Variants in SGCD observed in about 807,000 individuals in gnomAD.
SGCD encodes the protein delta-sarcoglycan.
Under a neutral mutation model 36.6 loss-of-function variants are expected in SGCD, and 18 were observed. The ratio of observed to expected loss-of-function variants is 0.49; its 90% CI spans 0.34 to 0.73. The LOEUF (loss-of-function observed/expected upper bound fraction) is 0.73, where lower values mean the gene tolerates loss of function less well. Ranked by LOEUF, SGCD falls within the 30% of genes least tolerant of loss-of-function variation. The probability of loss-of-function intolerance (pLI) is 0.01; values close to 1 mark genes in which losing one functional copy is unlikely to be tolerated. For missense variants in SGCD, 387 were observed against 346.7 expected (o/e 1.12, Z -0.92); for synonymous variants, 133 against 130.6 (o/e 1.02, Z -0.12).
At chr5:156,657,241 T>C (rs1193080052) in intron 7 of SGCD, among the ~76,000 whole-genome samples, 3 of 151,878 alleles carry the variant, frequency 2.0e-5, no homozygotes, top group Non-Finnish European at 2.9e-5. Flanking sequence ...CCTCTCTCTT[T>C]TATTTTATTT....
rs558065883 is a variant in SGCD at position 156,079,038 on chromosome 5, G to T, written c.-281-38840G>T. ...ATTTGTAAAAAAAAAAAAAAAAAAA[G>T]AAAAGTTTAATTGGCTCACAGTTCT... On this transcript the variant is annotated intron_variant, in intron 1 of 9. Coordinates refer to the SGCD transcript ENST00000517913. 2.3e-5 allele frequency among the ~76,000 whole-genome samples: 3 copies of T among 130,708 alleles called. No individual in the cohort carries two copies. In the East Asian group the frequency reaches 7.2e-4, roughly 32 times the overall value. The allele number at this position is 130,708 out of a possible 152,430, so 85.7% of individuals were successfully genotyped here. A position where few individuals can be genotyped will look rare whatever the true frequency, so the allele number is the denominator to read the frequency against.
intron 4 of SGCD, among the ~76,000 whole-genome samples, chr5:156,576,610 C>A (rs1319927999): frequency 6.6e-6 from 1 of 152,116 alleles, no homozygotes; most frequent in African/African-American, 2.4e-5. Context: ...TTATAATGAT[C>A]GCCATTCTAA....
At chr5:155,788,318 C>T in the SGCD span, among the ~76,000 whole-genome samples, 2 of 152,050 alleles carry the variant, frequency 1.3e-5, no homozygotes, top group Non-Finnish European at 1.5e-5. Flanking sequence ...GGATTTTAAA[C>T]GTTAAAAATG....
At chr5:156,449,535 G>C (rs1446943727) in intron 3 of SGCD, among the ~76,000 whole-genome samples, 2 of 151,608 alleles carry the variant, frequency 1.3e-5, no homozygotes, top group African/African-American at 2.4e-5. Flanking sequence ...ACAAGATTAA[G>C]AGAATAAAAA....
intron 3 of SGCD, among the ~76,000 whole-genome samples, chr5:156,441,673 T>C (rs1362199337): frequency 6.6e-6 from 1 of 152,164 alleles, no homozygotes; most frequent in Non-Finnish European, 1.5e-5. Context: ...TAGTTATATC[T>C]TTCTCCATGG....
At position 155,936,297 on chromosome 5, in the gene SGCD, T is replaced by C. The variant is rs138071568; in HGVS notation, c.-282+65873T>C. Among the ~76,000 whole-genome samples the C allele has an allele frequency of 3.9e-3, 597 of 152,078 alleles. 3 individuals carry two copies. Among genetic ancestry groups the C allele is most frequent in the Non-Finnish European group, 6.0e-3 (408 of 67,964 alleles). Reference sequence around the variant, plus strand: ...AGGAAGAATGAGGTATGTGGACAAGTGGAGGGTGAGCAAGGCGGAGAGGAG... The same window carrying C: ...AGGAAGAATGAGGTATGTGGACAAGCGGAGGGTGAGCAAGGCGGAGAGGAG... On this transcript the variant is annotated intron_variant, in intron 1 of 9. Coordinates refer to the SGCD transcript ENST00000517913.
intron 3 of SGCD, among the ~76,000 whole-genome samples, chr5:156,185,923 T>C (rs889780330): frequency 4.9e-5 from 6 of 123,610 alleles, no homozygotes; most frequent in Non-Finnish European, 7.3e-5. Context: ...ACTGTGTTCA[T>C]AATTGCTCTG....
At chr5:156,392,761 G>C (rs1396599366) in intron 3 of SGCD, among the ~76,000 whole-genome samples, 1 of 152,084 alleles carries the variant, frequency 6.6e-6, no homozygotes, top group Admixed American at 6.5e-5. Context: ...CTTGGAGTCG[G>C]GCCCCTTGGT....
At chr5:156,416,991 C>A (rs772064964) in intron 3 of SGCD, among the ~76,000 whole-genome samples, 6 of 151,956 alleles carry the variant, frequency 3.9e-5, no homozygotes, top group Non-Finnish European at 7.4e-5. Flanking sequence ...AGTTTCAATT[C>A]CATATCATAT....
intron 3 of SGCD, among the ~76,000 whole-genome samples, chr5:156,312,992 A>ATTTGT (rs1767426964): frequency 6.6e-6 from 1 of 151,798 alleles, no homozygotes; most frequent in Non-Finnish European, 1.5e-5. Context: ...TTCAATCCAT[A>ATTTGT]TTTGTTTTGT....
At chr5:156,635,857 G>A (rs1762807469) in intron 6 of SGCD, among the ~76,000 whole-genome samples, 1 of 150,074 alleles carries the variant, frequency 6.7e-6, no homozygotes, top group Non-Finnish European at 1.5e-5. Context: ...GACATAGGAA[G>A]GGGAACATCA....
At chr5:156,522,997 A>C (rs1182999264) in intron 4 of SGCD, among the ~76,000 whole-genome samples, 1 of 152,166 alleles carries the variant, frequency 6.6e-6, no homozygotes, top group East Asian at 1.9e-4. Context: ...ATTTGTAAAA[A>C]TCCATTTTGA....
At chr5:155,854,755 C>T in the SGCD span, among the ~76,000 whole-genome samples, 6 of 152,100 alleles carry the variant, frequency 3.9e-5, no homozygotes, top group African/African-American at 9.7e-5. Flanking sequence ...ATACAAATCT[C>T]ACCGTTTTAA....
At chr5:156,565,951 T>C (rs1261299305) in intron 4 of SGCD, among the ~76,000 whole-genome samples, 1 of 152,250 alleles carries the variant, frequency 6.6e-6, no homozygotes, top group Non-Finnish European at 1.5e-5. Context: ...CTACCACTGA[T>C]GGGCATTTGA....
At chr5:155,865,877 T>C (rs1319016988), upstream of SGCD, among the ~76,000 whole-genome samples, 2 of 152,238 alleles carry the variant, frequency 1.3e-5, no homozygotes, top group Non-Finnish European at 2.9e-5. Context: ...CAACAAATGC[T>C]GTCAGTTGCT....
intron 1 of SGCD, among the ~76,000 whole-genome samples, chr5:155,947,129 G>A (rs772972854): frequency 6.6e-6 from 1 of 152,172 alleles, no homozygotes; most frequent in Non-Finnish European, 1.5e-5. Context: ...AGGAAAGATA[G>A]ATGGGCAAAT....
chr5:156,260,116 C>A (rs1430844175), intron 3 of SGCD, among the ~76,000 whole-genome samples: 1 of 152,122 alleles, frequency 6.6e-6, no homozygotes, highest in East Asian at 1.9e-4. Context: ...TTCTGTGCAT[C>A]TATTTTATAT....
At chr5:156,192,445 G>T (rs891547276) in intron 3 of SGCD, among the ~76,000 whole-genome samples, 2 of 152,088 alleles carry the variant, frequency 1.3e-5, no homozygotes, top group African/African-American at 4.8e-5. Context: ...ATAGAGAGTA[G>T]AATGATAGAT....
intron 1 of SGCD, among the ~76,000 whole-genome samples, chr5:156,010,019 AT>A (rs1340608171): frequency 1.3e-5 from 2 of 152,166 alleles, no homozygotes; most frequent in Admixed American, 1.3e-4. Context: ...AAGTTCAAAT[AT>A]TTTACTCTTT....
Sources: gnomAD v4.1 joint callset for allele counts (sites outside exome capture counted in the v4.1 genomes callset) on GRCh38, gnomAD v4.1.1 for gene constraint, MANE v1.5 for transcripts, NCBI Gene and HGNC (gene_info 2026-07-23, HGNC 2026-07-21) for gene names.